The following KSR1 variants were observed in gnomAD, a reference collection of about 807,000 sequenced individuals.
KSR1 encodes kinase suppressor of ras 1.
Under a neutral mutation model 92.9 loss-of-function variants are expected in KSR1, and 35 were observed. The ratio of observed to expected loss-of-function variants is 0.38; its 90% CI spans 0.29 to 0.50. KSR1 has a LOEUF of 0.50. Ranked by LOEUF, KSR1 falls within the 20% of genes least tolerant of loss-of-function variation. KSR1 has a pLI of 0.94. For synonymous variants in KSR1, 467 were observed against 472.6 expected (o/e 0.99, Z 0.15); for missense variants, 972 against 1,158.5 (o/e 0.84, Z 2.34).
At chr17:27,491,783 G>A (rs1440171027) in intron 1 of KSR1, among the ~76,000 whole-genome samples, 6 of 152,274 alleles carry the variant, frequency 3.9e-5, no homozygotes, top group East Asian at 3.9e-4. Flanking sequence ...GGAAGTGGCC[G>A]GCTGTTTAGT....
At chr17:27,466,585 C>T (rs1298066627) in intron 1 of KSR1, among the ~76,000 whole-genome samples, 1 of 152,204 alleles carries the variant, frequency 6.6e-6, no homozygotes, top group Admixed American at 6.5e-5. Context: ...AGAAAACAAT[C>T]CAAGAGAAAT....
intron 9 of KSR1, among the ~76,000 whole-genome samples, chr17:27,595,914 C>A (rs371803036): frequency 8.5e-5 from 13 of 152,168 alleles, no homozygotes; most frequent in Non-Finnish European, 1.8e-4. Flanking sequence ...GGGCAAAGCC[C>A]TTGGCTTCCC....
intron 9 of KSR1, among the ~76,000 whole-genome samples, chr17:27,595,063 C>G (rs1409288613): frequency 6.6e-6 from 1 of 152,346 alleles, no homozygotes; most frequent in South Asian, 2.1e-4. Flanking sequence ...TCAACTATCC[C>G]TGGCCAGTAG....
intron 1 of KSR1, among the ~76,000 whole-genome samples, chr17:27,494,162 A>AG (rs2068908731): frequency 6.6e-6 from 1 of 152,062 alleles, no homozygotes. Flanking sequence ...AAAAAAAAAA[A>AG]TTACAAAGAG....
chr17:27,574,182 C>T (rs1308043636), intron 2 of KSR1, among the ~76,000 whole-genome samples: 1 of 152,176 alleles, frequency 6.6e-6, no homozygotes, highest in Non-Finnish European at 1.5e-5. Context: ...CTTACCCTGA[C>T]GGTATCGCCA....
At chr17:27,463,764 T>A (rs2019556932) in intron 1 of KSR1, among the ~76,000 whole-genome samples, 1 of 152,234 alleles carries the variant, frequency 6.6e-6, no homozygotes. Flanking sequence ...GGTGAGGTCT[T>A]GATCACTTGA....
At chr17:27,457,144 C>G (rs2019212638) in intron 1 of KSR1, among the ~76,000 whole-genome samples, 1 of 152,156 alleles carries the variant, frequency 6.6e-6, no homozygotes, top group Admixed American at 6.5e-5. Flanking sequence ...ATCCCCTTTC[C>G]CCCCTTCTCC....
chr17:27,502,561 C>G (rs2069229484), intron 1 of KSR1, among the ~76,000 whole-genome samples: 1 of 152,258 alleles, frequency 6.6e-6, no homozygotes, highest in African/African-American at 2.4e-5. Flanking sequence ...CGGCCTCAAG[C>G]CACGTGCAGC....
At chr17:27,540,957 T>G (rs1255174645) in intron 1 of KSR1, among the ~76,000 whole-genome samples, 1 of 152,216 alleles carries the variant, frequency 6.6e-6, no homozygotes, top group Non-Finnish European at 1.5e-5. Context: ...ACTCCAGCTT[T>G]GGGAAGGAAG....
chr17:27,617,331 G>C lies in KSR1; in HGVS notation c.2530G>C (p.Glu844Gln). 6.2e-7 allele frequency: 1 copy of C among 1,612,000 alleles called. No individual in the cohort carries two copies. The highest frequency in any genetic ancestry group is 8.5e-7 in the Non-Finnish European group (1 of 1,178,914). Residue 844 changes from glutamate (E) to glutamine (Q), a missense_variant, in exon 19 of 21, where the codon GAG (glutamate) becomes CAG (glutamine). Transcript: ENST00000644974. ...GGCCTGCTGGGCTTTCGACCTGCAG[G>C]AGAGACCCAGCTTCAGCCTGCTGAT... Reference protein sequence around the residue: ...LSACWAFDLQERPSFSLLMDM... With the variant: ...LSACWAFDLQQRPSFSLLMDM...
At chr17:27,575,107 CA>C (rs2072454769) in intron 2 of KSR1, among the ~76,000 whole-genome samples, 1 of 152,052 alleles carries the variant, frequency 6.6e-6, no homozygotes, top group Non-Finnish European at 1.5e-5. Context: ...GAGTCTTGCA[CA>C]AAAAAGAATC....
At chr17:27,519,977 A>T (rs776804217) in intron 1 of KSR1, among the ~76,000 whole-genome samples, 6 of 152,182 alleles carry the variant, frequency 3.9e-5, no homozygotes, top group African/African-American at 9.7e-5. Flanking sequence ...GACCATGGGT[A>T]CTCAGTGCAG....
At chr17:27,469,578 G>A (rs2019869718) in intron 1 of KSR1, among the ~76,000 whole-genome samples, 1 of 152,116 alleles carries the variant, frequency 6.6e-6, no homozygotes, top group African/African-American at 2.4e-5. Flanking sequence ...CTGGACCTCA[G>A]TTTTCTTGTT....
chr17:27,476,131 G>C (rs1223650622), intron 1 of KSR1, among the ~76,000 whole-genome samples: 3 of 152,188 alleles, frequency 2.0e-5, no homozygotes, highest in African/African-American at 7.2e-5. Flanking sequence ...TAGAGCAGTG[G>C]ACTGGACTGC....
At chr17:27,544,303 G>T (rs2071082056) in intron 1 of KSR1, among the ~76,000 whole-genome samples, 1 of 152,152 alleles carries the variant, frequency 6.6e-6, no homozygotes, top group Admixed American at 6.5e-5. Flanking sequence ...TTTTTTGCTT[G>T]TTCCAAGCAC....
intron 2 of KSR1, among the ~76,000 whole-genome samples, chr17:27,569,844 T>C (rs2072236115): frequency 6.6e-6 from 1 of 152,206 alleles, no homozygotes. Flanking sequence ...TCACACTATG[T>C]ATTATACCTC....
At chr17:27,597,532 C>CA in intron 10 of KSR1, 96 bp downstream of exon 10, 1 of 1,277,548 alleles carries the variant, frequency 7.8e-7, no homozygotes, top group Non-Finnish European at 1.1e-6. Context: ...CAGACATGGC[C>CA]ACAGCTAAGA....
intron 18 of KSR1, among the ~76,000 whole-genome samples, chr17:27,614,927 T>C (rs2074016237): frequency 6.6e-6 from 1 of 152,202 alleles, no homozygotes; most frequent in African/African-American, 2.4e-5. Flanking sequence ...TTTTCTGTCA[T>C]AGACAAAAGC....
intron 3 of KSR1, chr17:27,579,835 C>T (rs1167739167): frequency 2.3e-5 from 3 of 130,584 alleles, no homozygotes; most frequent in Non-Finnish European, 4.6e-5. Flanking sequence ...AAGATCATAC[C>T]ACTGCACTCC....
Sources: gnomAD v4.1 joint callset for allele counts (sites outside exome capture counted in the v4.1 genomes callset) on GRCh38, gnomAD v4.1.1 for gene constraint, MANE v1.5 for transcripts, NCBI Gene and HGNC (gene_info 2026-07-23, HGNC 2026-07-21) for gene names.